ZNF106: variants seen among roughly 807,000 people sequenced by gnomAD.
ZNF106 encodes zinc finger protein 106.
A neutral mutation model predicts 195.1 loss-of-function variants in ZNF106; 67 were observed. That is an observed-to-expected ratio of 0.34 (90% confidence interval 0.28 to 0.42). The LOEUF is 0.42. ZNF106 is among the 10% of genes least tolerant of loss of function. ZNF106 has a pLI of 1.00. For missense variants in ZNF106, 2,118 were observed against 2,304.5 expected (o/e 0.92, Z 1.66); for synonymous variants, 784 against 818.6 (o/e 0.96, Z 0.72).
intron 10 of ZNF106, 136 bp downstream of exon 10, chr15:42,441,937 G>T: frequency 1.6e-6 from 1 of 618,130 alleles, no homozygotes; most frequent in Non-Finnish European, 2.8e-6. Context: ...CTGTATATAT[G>T]AAGAGAATTC....
intron 18 of ZNF106, 74 bp from the exon 19 acceptor site, chr15:42,422,062 T>C: frequency 7.4e-7 from 1 of 1,347,248 alleles, no homozygotes; most frequent in Non-Finnish European, 1.0e-6. Flanking sequence ...CCTAAAGGCC[T>C]TTGGCAGGTT....
chr15:42,447,291 G>T (rs1189841873), intron 6 of ZNF106, among the ~76,000 whole-genome samples: 1 of 152,150 alleles, frequency 6.6e-6, no homozygotes, highest in South Asian at 2.1e-4. Context: ...GAGGCAGGAG[G>T]ACTGCTTGAG....
intron 1 of ZNF106, among the ~76,000 whole-genome samples, chr15:42,481,357 GTTT>G (rs751618549): frequency 8.2e-5 from 9 of 109,160 alleles, no homozygotes; most frequent in East Asian, 2.9e-4. Flanking sequence ...TTTTTTTGTT[GTTT>G]TTTTTTTTTT....
intron 1 of ZNF106, chr15:42,490,515 T>A (rs2057130573): frequency 6.6e-6 from 1 of 152,084 alleles, no homozygotes; most frequent in South Asian, 2.1e-4. Context: ...TAAGCTGTTG[T>A]TACTATTTGT....
chr15:42,472,028 A>G (rs2056680846), intron 2 of ZNF106, among the ~76,000 whole-genome samples: 1 of 152,216 alleles, frequency 6.6e-6, no homozygotes, highest in Admixed American at 6.5e-5. Context: ...AAGTTTAATA[A>G]TACAGGTACT....
intron 8 of ZNF106, 121 bp downstream of exon 8, chr15:42,444,706 C>T (rs1262200328): frequency 1.6e-6 from 2 of 1,261,804 alleles, no homozygotes; most frequent in African/African-American, 1.5e-5. Context: ...CAGTCTGGGG[C>T]ACTTCCCTTG....
chr15:42,475,475 C>G (rs1005054327), intron 1 of ZNF106, among the ~76,000 whole-genome samples: 3 of 152,050 alleles, frequency 2.0e-5, no homozygotes, highest in Non-Finnish European at 2.9e-5. Flanking sequence ...ATTCAAAACA[C>G]TAAAGTAAGA....
chr15:42,471,472 G>C (rs1341689595), intron 2 of ZNF106, among the ~76,000 whole-genome samples: 2 of 152,218 alleles, frequency 1.3e-5, no homozygotes, highest in Non-Finnish European at 2.9e-5. Context: ...GCTCATGCCT[G>C]TAATCCTAGC....
chr15:42,448,981 C>T (rs2141351285), intron 5 of ZNF106, among the ~76,000 whole-genome samples: 1 of 151,168 alleles, frequency 6.6e-6, no homozygotes, highest in East Asian at 1.9e-4. Context: ...TATAATAATA[C>T]ATACAGCATA....
intron 5 of ZNF106, among the ~76,000 whole-genome samples, chr15:42,449,176 T>C (rs2055888206): frequency 6.6e-6 from 1 of 152,200 alleles, no homozygotes; most frequent in South Asian, 2.1e-4. Context: ...TGTATCATCA[T>C]GCAGCAGAGT....
At chr15:42,440,332 A>G (rs2055451517) in intron 10 of ZNF106, among the ~76,000 whole-genome samples, 1 of 152,230 alleles carries the variant, frequency 6.6e-6, no homozygotes, top group Non-Finnish European at 1.5e-5. Context: ...AGACATATAC[A>G]ATGCAGTGTT....
chr15:42,446,811 A>G (rs1250737735), intron 6 of ZNF106, among the ~76,000 whole-genome samples, 153 bp from the exon 7 acceptor site: 1 of 152,216 alleles, frequency 6.6e-6, no homozygotes. Flanking sequence ...ACGTGGTACC[A>G]ACGCAAACTT....
chr15:42,423,271 G>A (rs967979728), intron 17 of ZNF106, among the ~76,000 whole-genome samples: 1 of 152,038 alleles, frequency 6.6e-6, no homozygotes, highest in Non-Finnish European at 1.5e-5. Flanking sequence ...TTGGGGGGCT[G>A]AGGTGGGAGG....
At position 42,450,616 on chromosome 15, in the gene ZNF106, A is replaced by G. The variant is rs750215898; in HGVS notation, c.1656T>C (p.Asp552=). Residue 552 remains aspartate (D), a synonymous_variant, in exon 5 of 22, where the codon GAT becomes GAC. Transcript: ENST00000564754. ...STFGSQKQSG[D]NLNDTLRKAK... Reference sequence around the variant, plus strand: ...CCTTTCGTAAAGTATCATTTAAATTATCACCAGATTGCTTTTGAGAGCCAA... The same window carrying G: ...CCTTTCGTAAAGTATCATTTAAATTGTCACCAGATTGCTTTTGAGAGCCAA... 22 of 1,614,090 alleles carry G rather than the reference A, an allele frequency of 1.4e-5. No homozygotes were observed. Among genetic ancestry groups the G allele is most frequent in the African/African-American group, 2.7e-5 (2 of 74,926 alleles).
At chr15:42,421,795 A>G in intron 19 of ZNF106, 122 bp downstream of exon 19, 1 of 674,176 alleles carries the variant, frequency 1.5e-6, no homozygotes, top group Non-Finnish European at 2.3e-6. Flanking sequence ...CTATTATGCC[A>G]AGAGATGGGA....
At chr15:42,430,520 C>T (rs1021683164) in intron 14 of ZNF106, among the ~76,000 whole-genome samples, 1 of 152,024 alleles carries the variant, frequency 6.6e-6, no homozygotes. Flanking sequence ...GCTGGAACTA[C>T]AGGCGTGGGC....
intron 3 of ZNF106, among the ~76,000 whole-genome samples, chr15:42,459,294 G>A (rs2056327257): frequency 2.0e-5 from 3 of 151,924 alleles, no homozygotes; most frequent in Non-Finnish European, 4.4e-5. Context: ...GGGCCAAACT[G>A]GTAAAACCCC....
chr15:42,440,320 A>G (rs997028837), intron 10 of ZNF106, among the ~76,000 whole-genome samples: 6 of 152,364 alleles, frequency 3.9e-5, no homozygotes, highest in Admixed American at 1.3e-4. Context: ...AGATGTACTC[A>G]AAGACATATA....
intron 13 of ZNF106, 39 bp downstream of exon 13, chr15:42,437,192 AC>A (rs760857959): frequency 1.3e-6 from 2 of 1,577,422 alleles, no homozygotes; most frequent in South Asian, 1.2e-5. Context: ...ATTTTCCAAA[AC>A]CTGCAACCAA....
Sources: allele counts gnomAD v4.1 joint callset (sites outside exome capture counted in the v4.1 genomes callset), GRCh38; gene constraint gnomAD v4.1.1; transcripts MANE v1.5; gene names NCBI Gene and HGNC (gene_info 2026-07-23, HGNC 2026-07-21).